The following SLC22A16 variants were observed in gnomAD, a reference collection of about 807,000 sequenced individuals.
SLC22A16 encodes solute carrier family 22 member 16.
A neutral mutation model predicts 52.9 loss-of-function variants in SLC22A16; 53 were observed. The observed-to-expected ratio is 1.00, with a 90% confidence interval of 0.80 to 1.26. The LOEUF (loss-of-function observed/expected upper bound fraction) is 1.26. SLC22A16 is among the 50% of genes most tolerant of loss of function. SLC22A16 has a pLI of 0.00. For synonymous variants in SLC22A16, 291 were observed against 268.8 expected (o/e 1.08, Z -0.81); for missense variants, 726 against 704.0 (o/e 1.03, Z -0.35).
At chr6:110,441,917 C>G (rs1480146330) in intron 4 of SLC22A16, among the ~76,000 whole-genome samples, 1 of 152,132 alleles carries the variant, frequency 6.6e-6, no homozygotes, top group Non-Finnish European at 1.5e-5. Context: ...TCTCAGGACC[C>G]TCAGTTTTTT....
intron 1 of SLC22A16, among the ~76,000 whole-genome samples, chr6:110,475,507 C>T (rs1776430857): frequency 2.0e-5 from 3 of 152,216 alleles, no homozygotes; most frequent in South Asian, 2.1e-4. Context: ...TTCCTCTGTC[C>T]TAACAGCTCC....
intron 1 of SLC22A16, 82 bp from the exon 2 acceptor site, chr6:110,457,099 T>C (rs1562294943): frequency 7.4e-7 from 1 of 1,344,882 alleles, no homozygotes; most frequent in East Asian, 2.3e-5. Flanking sequence ...GTCTCCATCA[T>C]GTTTATCTTA....
intron 2 of SLC22A16, among the ~76,000 whole-genome samples, chr6:110,454,999 C>T: frequency 9.5e-6 from 1 of 105,650 alleles, no homozygotes; most frequent in Non-Finnish European, 1.8e-5. Context: ...ATTATATGTA[C>T]ATATAATTAG....
chr6:110,464,255 A>G (rs1289752975), intron 1 of SLC22A16, among the ~76,000 whole-genome samples: 1 of 152,048 alleles, frequency 6.6e-6, no homozygotes, highest in East Asian at 1.9e-4. Context: ...AGAACAAACC[A>G]AACACAAAGC....
chr6:110,443,123 C>T (rs1344430102), intron 3 of SLC22A16, among the ~76,000 whole-genome samples: 1 of 152,116 alleles, frequency 6.6e-6, no homozygotes, highest in Non-Finnish European at 1.5e-5. Context: ...TCCAGGAGGT[C>T]CTTATTGTTA....
At chr6:110,427,084 T>C (rs1481241479) in intron 7 of SLC22A16, among the ~76,000 whole-genome samples, 1 of 148,690 alleles carries the variant, frequency 6.7e-6, no homozygotes, top group Non-Finnish European at 1.5e-5. Context: ...AAATTCTCTA[T>C]GAAAAATATA....
At chr6:110,455,418 T>A (rs1308058920) in intron 2 of SLC22A16, 1 of 152,120 alleles carries the variant, frequency 6.6e-6, no homozygotes, top group East Asian at 1.9e-4. Flanking sequence ...AACAAAGCCC[T>A]TTAATTTTTC....
At position 110,454,789 on chromosome 6, in the gene SLC22A16, TA is replaced by T. The variant is rs1429054734; in HGVS notation, c.533+1748del. Among the ~76,000 whole-genome samples the T allele has an allele frequency of 6.2e-4, 36 of 58,384 alleles. 2 individuals are homozygous for T. The highest frequency in any genetic ancestry group is 2.7e-3 in the African/African-American group (34 of 12,432). 38.3% of individuals were successfully genotyped at this position (58,384 alleles called of 152,430 possible). Reference sequence around the variant, plus strand: ...ATATATATAAATATATATAAATATATAAATATATATAATATATATATTATAT... The same window carrying T: ...ATATATATAAATATATATAAATATATAATATATATAATATATATATTATAT... On this transcript the variant is annotated intron_variant, in intron 2 of 7. Coordinates refer to ENST00000368919, the MANE Select transcript of SLC22A16 (RefSeq NM_033125.4).
chr6:110,453,622 G>T (rs769712806), intron 2 of SLC22A16: 1 of 456,144 alleles, frequency 2.2e-6, no homozygotes, highest in Non-Finnish European at 4.4e-6. Flanking sequence ...ACAGATAGTG[G>T]GTTGAATTAG....
At chr6:110,442,853 C>T (rs187157727) in intron 3 of SLC22A16, 78 bp from the exon 4 acceptor site, 4 of 1,314,068 alleles carry the variant, frequency 3.0e-6, no homozygotes, top group East Asian at 4.8e-5. Context: ...TTGCAAATCA[C>T]ATATAGGCAA....
At chr6:110,427,596 T>C (rs988154943) in intron 7 of SLC22A16, among the ~76,000 whole-genome samples, 15 of 151,906 alleles carry the variant, frequency 9.9e-5, no homozygotes, top group African/African-American at 3.4e-4. Flanking sequence ...GGCAGTCGGG[T>C]TCAAGCGATT....
intron 7 of SLC22A16, among the ~76,000 whole-genome samples, chr6:110,426,864 T>C (rs1339084980): frequency 6.7e-6 from 1 of 149,654 alleles, no homozygotes; most frequent in Non-Finnish European, 1.5e-5. Context: ...GTATGAGAAC[T>C]GCTTGAACCC....
At chr6:110,459,970 G>C (rs1331075289) in intron 1 of SLC22A16, among the ~76,000 whole-genome samples, 2 of 152,094 alleles carry the variant, frequency 1.3e-5, no homozygotes, top group Non-Finnish European at 2.9e-5. Context: ...GAAATTAAGA[G>C]GCATAGCAGA....
chr6:110,433,812 G>T (rs1774604170), intron 6 of SLC22A16, among the ~76,000 whole-genome samples: 1 of 152,158 alleles, frequency 6.6e-6, no homozygotes. Flanking sequence ...GGATTTAAGG[G>T]AGGACTGCAG....
chr6:110,468,784 A>G (rs567142478), intron 1 of SLC22A16, among the ~76,000 whole-genome samples: 1 of 152,206 alleles, frequency 6.6e-6, no homozygotes, highest in Non-Finnish European at 1.5e-5. Flanking sequence ...CTCTTGCTCA[A>G]AAGACCCCAC....
intron 7 of SLC22A16, chr6:110,425,502 C>T: frequency 1.2e-6 from 1 of 802,016 alleles, no homozygotes; most frequent in South Asian, 1.6e-5. Flanking sequence ...CTTAGTCAAC[C>T]CTGTCCCTGC....
chr6:110,425,270 C>T lies in SLC22A16; in HGVS notation c.1522-185G>A, dbSNP rs796280329. The T allele has an allele frequency of 3.9e-5, 59 of 1,509,550 alleles. No individual in the cohort carries two copies. In the African/African-American group the frequency reaches 5.9e-4, roughly 15 times the overall value. The allele number at this position is 1,509,550 out of a possible 1,614,324, so 93.5% of individuals were successfully genotyped here. A position where few individuals can be genotyped will look rare whatever the true frequency, so the allele number is the denominator to read the frequency against. On this transcript the variant is annotated intron_variant, in intron 7 of 7. Transcript: ENST00000368919. ...GACTTCGAGTTCTTTTCCTCATCAA[C>T]GAGGTTTAATCTCATCACTCACTCA...
rs765827295 is a variant in SLC22A16, at chr6:110,431,168, C to G, written c.1521+3G>C. ...TGGGGAGGGTCTGCAAACTGAAGCACACCTGTGGTATGAAGATCCAAATGC... is the reference window on the plus strand; with the variant it reads ...TGGGGAGGGTCTGCAAACTGAAGCAGACCTGTGGTATGAAGATCCAAATGC... On this transcript the variant is annotated splice_donor_region_variant and intron_variant, in intron 7 of 7. Transcript: ENST00000368919. The G allele has an allele frequency of 5.0e-6, 8 of 1,613,454 alleles. No homozygotes were observed. Among genetic ancestry groups the G allele is most frequent in the Non-Finnish European group, 8.5e-7 (1 of 1,179,580 alleles).
At position 110,431,274 on chromosome 6, in the gene SLC22A16, G is replaced by C; in HGVS notation, c.1422-4C>G. On this transcript the variant is annotated splice_region_variant and splice_polypyrimidine_tract_variant and intron_variant, in intron 6 of 7. Transcript: ENST00000368919. ...GCCGCTTCCCACAGCCAGCGATCTG[G>C]AAACAGAGGAGAGAGGCTGAGACAA... 1 of 1,610,886 alleles carries C rather than the reference G, an allele frequency of 6.2e-7. No individual in the cohort carries two copies. Among genetic ancestry groups the C allele is most frequent in the Non-Finnish European group, 8.5e-7 (1 of 1,179,608 alleles).
Sources: gnomAD v4.1 joint callset for allele counts (sites outside exome capture counted in the v4.1 genomes callset) on GRCh38, gnomAD v4.1.1 for gene constraint, MANE v1.5 for transcripts, NCBI Gene and HGNC (gene_info 2026-07-23, HGNC 2026-07-21) for gene names.